HSF5: variants seen among roughly 807,000 people sequenced by gnomAD.
The protein encoded by HSF5 is heat shock factor protein 5.
HSF5 carries 5 observed loss-of-function variants against 50.8 expected under a neutral mutation model. The ratio of observed to expected loss-of-function variants is 0.10; its 90% CI spans 0.05 to 0.21. HSF5 has a LOEUF of 0.21. Among genes scored for constraint, HSF5 ranks in the 10% least tolerant of loss-of-function variants. HSF5 has a pLI of 1.00. For synonymous variants in HSF5, 307 were observed against 307.4 expected (o/e 1.00, Z 0.02); for missense variants, 564 against 762.6 (o/e 0.74, Z 3.07).
intron 5 of HSF5, among the ~76,000 whole-genome samples, chr17:58,451,881 G>C (rs1225328436): frequency 7.2e-6 from 1 of 139,704 alleles, no homozygotes; most frequent in Non-Finnish European, 1.6e-5. Flanking sequence ...CAATATAAAA[G>C]ATCACCAAAA....
In HSF5 at chr17:58,476,675, C is replaced by T. The variant is rs1975015864; in HGVS notation, c.925+3218G>A. 3 of 1,577,060 alleles carry T rather than the reference C, an allele frequency of 1.9e-6. No individual in the cohort carries two copies. In the African/African-American group the frequency reaches 4.0e-5, roughly 21 times the overall value. ...TCCTCCTCCCCAAGCAGTGCAGACACTTGTGGATGGTTGACAAATGTTGTT... is the reference window on the plus strand; with the variant it reads ...TCCTCCTCCCCAAGCAGTGCAGACATTTGTGGATGGTTGACAAATGTTGTT... On this transcript the variant is annotated intron_variant, in intron 2 of 5. Transcript: ENST00000323777.
chr17:58,448,720 A>G (rs777348544), intron 5 of HSF5, among the ~76,000 whole-genome samples: 3 of 150,440 alleles, frequency 2.0e-5, no homozygotes, highest in Admixed American at 2.0e-4. Context: ...CTGTTTTACT[A>G]GAAATGTTAA....
At chr17:58,477,084 C>G in intron 2 of HSF5, 2 of 457,782 alleles carry the variant, frequency 4.4e-6, no homozygotes, top group Non-Finnish European at 7.9e-6. Context: ...CGCGGCCTGA[C>G]GACAGGTATG....
At position 58,422,047 on chromosome 17, in the gene HSF5, C is replaced by T; in HGVS notation, c.*313G>A. 3.8e-6 allele frequency: 1 copy of T among 264,474 alleles called. No individual in the cohort carries two copies. Among genetic ancestry groups the T allele is most frequent in the South Asian group, 5.3e-5 (1 of 18,986 alleles). The allele number at this position is 264,474 out of a possible 1,614,324, so 16.4% of individuals were successfully genotyped here. A position where few individuals can be genotyped will look rare whatever the true frequency, so the allele number is the denominator to read the frequency against. On this transcript the variant is annotated 3_prime_UTR_variant, in exon 6 of 6. Coordinates refer to ENST00000323777, the MANE Select transcript of HSF5 (RefSeq NM_001080439.3). ...GCACACACACAGATTATTCTTAGTA[C>T]CATAGATGGAGCAGTTTTTAGATGC... is the stretch of plus-strand genomic sequence containing the variant.
chr17:58,482,256 A>T (rs1038391697), intron 1 of HSF5, among the ~76,000 whole-genome samples: 2 of 152,196 alleles, frequency 1.3e-5, no homozygotes, highest in African/African-American at 2.4e-5. Context: ...ATGTATTCAA[A>T]TGATAGATCT....
Position 58,478,762 on chromosome 17 carries a change from C to G in HSF5, c.925+1131G>C, listed in dbSNP as rs768921371. Among the ~76,000 whole-genome samples the G allele has an allele frequency of 7.6e-4, 113 of 149,548 alleles. 1 individual carries two copies. Among genetic ancestry groups the G allele is most frequent in the Non-Finnish European group, 2.2e-4 (15 of 67,672 alleles). ...TCTGTAATCCCAGCTACTCAGGAGGCTGAGGCAGGAGAATTGCTTGAACCC... is the reference window on the plus strand; with the variant it reads ...TCTGTAATCCCAGCTACTCAGGAGGGTGAGGCAGGAGAATTGCTTGAACCC... On this transcript the variant is annotated intron_variant, in intron 2 of 5. Coordinates refer to ENST00000323777, the MANE Select transcript of HSF5 (RefSeq NM_001080439.3).
At chr17:58,449,751 C>T (rs544411686) in intron 5 of HSF5, among the ~76,000 whole-genome samples, 3 of 150,780 alleles carry the variant, frequency 2.0e-5, no homozygotes, top group East Asian at 2.0e-4. Flanking sequence ...CGGCCGGGCG[C>T]GGTGGCTCAC....
chr17:58,483,476 C>CT (rs1975128283), intron 1 of HSF5, among the ~76,000 whole-genome samples: 1 of 152,114 alleles, frequency 6.6e-6, no homozygotes, highest in South Asian at 2.1e-4. Flanking sequence ...TTCAAAATAT[C>CT]TTTAAGATAT....
chr17:58,447,801 C>G (rs1208162295), intron 5 of HSF5, among the ~76,000 whole-genome samples: 1 of 152,158 alleles, frequency 6.6e-6, no homozygotes. Flanking sequence ...ACTGCAAAGA[C>G]TAGAATAAAT....
chr17:58,472,020 AT>A (rs986801899), intron 2 of HSF5, among the ~76,000 whole-genome samples: 7 of 151,170 alleles, frequency 4.6e-5, no homozygotes, highest in South Asian at 2.1e-4. Flanking sequence ...TGCCTGGCTA[AT>A]TTTTTTTGGA....
At chr17:58,479,646 A>C (rs1975071788) in intron 2 of HSF5, among the ~76,000 whole-genome samples, 2 of 152,152 alleles carry the variant, frequency 1.3e-5, no homozygotes, top group South Asian at 2.1e-4. Flanking sequence ...CATATTTTGA[A>C]TATACAAGTT....
At chr17:58,457,625 A>G (rs1162488936) in intron 5 of HSF5, among the ~76,000 whole-genome samples, 3 of 152,194 alleles carry the variant, frequency 2.0e-5, no homozygotes, top group Non-Finnish European at 4.4e-5. Flanking sequence ...AAACAAATTT[A>G]TATGTGACTT....
chr17:58,488,336 TC>T lies in HSF5; in HGVS notation c.-63del. ...GCTCTCCCACACCGTTCTCGATCCC[TC>T]CCCGGCCTTCGCCTCGCCCTGCCCG... On this transcript the variant is annotated 5_prime_UTR_variant, in exon 1 of 6. An upstream open reading frame in the 5' UTR loses its in-frame stop. Transcript: ENST00000323777. The surrounding 1 kb of genome is among the most constrained non-coding windows in gnomAD (Gnocchi z 4.1). The T allele has an allele frequency of 7.3e-7, 1 of 1,373,856 alleles. No individual in the cohort carries two copies. The highest frequency in any genetic ancestry group is 9.3e-7 in the Non-Finnish European group (1 of 1,071,884). The allele number at this position is 1,373,856 out of a possible 1,614,324, so 85.1% of individuals were successfully genotyped here.
rs376623972 is a variant in HSF5 at position 58,441,949 on chromosome 17, G to A, written c.1720+16819C>T. Among the ~76,000 whole-genome samples the A allele has an allele frequency of 3.3e-5, 5 of 152,176 alleles. No homozygotes were observed. The South Asian group carries it at 8.3e-4, about 25-fold the overall frequency. ...TCTAATTTGGGTATGTGTGAGTGAG[G>A]GGGGAGGATGGATAACTTGTTTTTT... On this transcript the variant is annotated intron_variant, in intron 5 of 5. Transcript: ENST00000323777.
In HSF5 at chr17:58,488,382, G is replaced by A. The variant is rs1295140884; in HGVS notation, c.-108C>T. The stretch of plus-strand genomic sequence containing the variant: ...TGCCCGCTCCTGCCGGCGCCCATCC[G>A]CCGCGTACCAGGGACCGTTGGCGCA... On this transcript the variant is annotated 5_prime_UTR_variant, in exon 1 of 6. Transcript: ENST00000323777. The surrounding 1 kb of genome is among the most constrained non-coding windows in gnomAD (Gnocchi z 4.1). 6.8e-6 allele frequency: 9 copies of A among 1,323,216 alleles called. No individual in the cohort carries two copies. Among genetic ancestry groups the A allele is most frequent in the South Asian group, 2.2e-5 (1 of 45,824 alleles). The allele number at this position is 1,323,216 out of a possible 1,614,324, so 82.0% of individuals were successfully genotyped here.
chr17:58,486,425 T>C (rs1299080737), intron 1 of HSF5, among the ~76,000 whole-genome samples: 1 of 152,182 alleles, frequency 6.6e-6, no homozygotes, highest in Non-Finnish European at 1.5e-5. Flanking sequence ...TTTCTTAACT[T>C]TTACTAAATA....
At chr17:58,446,892 C>T (rs1249484995) in intron 5 of HSF5, among the ~76,000 whole-genome samples, 2 of 152,026 alleles carry the variant, frequency 1.3e-5, no homozygotes, top group Non-Finnish European at 2.9e-5. Context: ...TTTGGGAGGC[C>T]GAGGAGGGCG....
At chr17:58,479,220 A>G (rs1328009982) in intron 2 of HSF5, among the ~76,000 whole-genome samples, 1 of 152,062 alleles carries the variant, frequency 6.6e-6, no homozygotes, top group East Asian at 1.9e-4. Flanking sequence ...TTAAGATTAA[A>G]CCATATTAAA....
intron 5 of HSF5, among the ~76,000 whole-genome samples, chr17:58,432,944 G>A (rs35245220): frequency 0.17 from 25,758 of 152,174 alleles, 2,662 homozygotes; most frequent in Non-Finnish European, 0.22. Context: ...ACATGTGAGA[G>A]AAGGGAGTCA....
Sources: gnomAD v4.1 joint callset for allele counts (sites outside exome capture counted in the v4.1 genomes callset) on GRCh38, gnomAD v4.1.1 for gene constraint, Gnocchi (gnomAD v3.1) non-coding constraint, MANE v1.5 for transcripts, NCBI Gene and HGNC (gene_info 2026-07-23, HGNC 2026-07-21) for gene names.